THADA: variants seen among roughly 807,000 people sequenced by gnomAD.
The protein encoded by THADA is tRNA (32-2'-O)-methyltransferase regulator THADA.
Under a neutral mutation model 219.8 loss-of-function variants are expected in THADA, and 213 were observed. That is an observed-to-expected ratio of 0.97 (90% CI 0.87 to 1.09). The LOEUF (loss-of-function observed/expected upper bound fraction) is 1.09. THADA is among the 50% of genes least tolerant of loss of function. The pLI, the probability that THADA is intolerant of heterozygous loss-of-function variation, is 0.00. For missense variants in THADA, 2,956 were observed against 2,311.3 expected (o/e 1.28, Z -5.72); for synonymous variants, 1,018 against 828.9 (o/e 1.23, Z -3.92).
intron 29 of THADA, among the ~76,000 whole-genome samples, chr2:43,366,171 C>T (rs543093241): frequency 6.6e-6 from 1 of 152,304 alleles, no homozygotes; most frequent in South Asian, 2.1e-4. Context: ...TAGTTTCTCT[C>T]TCTTTTATTT....
chr2:43,548,948 C>T (rs971546087), intron 20 of THADA, among the ~76,000 whole-genome samples: 3 of 152,204 alleles, frequency 2.0e-5, no homozygotes, highest in Non-Finnish European at 4.4e-5. Flanking sequence ...CAGAAATCAC[C>T]CGTCTTCTGC....
intron 34 of THADA, among the ~76,000 whole-genome samples, chr2:43,287,770 G>T (rs939955365): frequency 6.6e-6 from 1 of 152,176 alleles, no homozygotes; most frequent in South Asian, 2.1e-4. Flanking sequence ...TGGGCCCATG[G>T]GCACCCAGCT....
At position 43,510,893 on chromosome 2, in the gene THADA, C is replaced by T. The variant is rs1020046428; in HGVS notation, c.3375-2113G>A. ...GGCTGAAGCAGGAGAATCGCTTGAA[C>T]TCAGGAAGCAGAGACTGCAGCGAGC... is the stretch of plus-strand genomic sequence containing the variant. On this transcript the variant is annotated intron_variant, in intron 22 of 37. Transcript: ENST00000405975. Among the ~76,000 whole-genome samples, 5 of 151,790 alleles carry T rather than the reference C, an allele frequency of 3.3e-5. 1 individual carries two copies. In the South Asian group the frequency reaches 1.0e-3, roughly 32 times the overall value.
At chr2:43,421,527 C>A (rs1295561097) in intron 28 of THADA, among the ~76,000 whole-genome samples, 2 of 152,148 alleles carry the variant, frequency 1.3e-5, no homozygotes, top group African/African-American at 2.4e-5. Flanking sequence ...TCTCTCCAGG[C>A]AACTCTGTTC....
chr2:43,428,698 C>T (rs1161717688), intron 27 of THADA, among the ~76,000 whole-genome samples: 2 of 151,868 alleles, frequency 1.3e-5, no homozygotes, highest in Non-Finnish European at 2.9e-5. Context: ...TCTTATCTCC[C>T]AAATGTGCAT....
intron 29 of THADA, among the ~76,000 whole-genome samples, chr2:43,376,614 G>A (rs1446860145): frequency 6.6e-6 from 1 of 152,132 alleles, no homozygotes; most frequent in East Asian, 1.9e-4. Context: ...CTAGGTTTCT[G>A]AGCCCCAAAT....
intron 30 of THADA, among the ~76,000 whole-genome samples, chr2:43,338,803 T>C (rs1666764682): frequency 6.6e-6 from 1 of 152,226 alleles, no homozygotes; most frequent in Admixed American, 6.5e-5. Flanking sequence ...TTAGCTATTG[T>C]GCATAATGCT....
chr2:43,560,185 A>G (rs758243622), intron 16 of THADA, 49 bp downstream of exon 16: 1 of 1,516,572 alleles, frequency 6.6e-7, no homozygotes, highest in East Asian at 2.3e-5. Context: ...ATCTGCTGAT[A>G]GAAAGTTTCC....
chr2:43,269,124 G>C (rs897343470), intron 36 of THADA, among the ~76,000 whole-genome samples: 2 of 152,192 alleles, frequency 1.3e-5, no homozygotes, highest in South Asian at 2.1e-4. Context: ...CCGAGGCCAC[G>C]AGCTGGAGAA....
chr2:43,582,761 GT>G (rs1700596959), intron 7 of THADA, among the ~76,000 whole-genome samples: 1 of 151,638 alleles, frequency 6.6e-6, no homozygotes, highest in Non-Finnish European at 1.5e-5. Context: ...AGAGACAGGG[GT>G]TTCACCATGT....
Position 43,237,016 on chromosome 2 carries a change from G to A in THADA, c.5297-4134C>T, listed in dbSNP as rs1222781169. On this transcript the variant is annotated intron_variant, in intron 36 of 37. Transcript: ENST00000405975. ...GAACCCGGGAGGCGGAGCTTGCAGT[G>A]AGCCGAGATCGCGCCACTGCACACC... Among the ~76,000 whole-genome samples the A allele has an allele frequency of 2.0e-5, 3 of 147,500 alleles. No homozygotes were observed. The East Asian group carries it at 6.0e-4, about 30-fold the overall frequency.
chr2:43,431,374 C>A (rs1679258493), intron 26 of THADA, among the ~76,000 whole-genome samples: 1 of 152,182 alleles, frequency 6.6e-6, no homozygotes, highest in South Asian at 2.1e-4. Flanking sequence ...CCAGCAAACT[C>A]CCGCCCCACA....
chr2:43,537,156 T>G (rs1694713726), intron 21 of THADA, among the ~76,000 whole-genome samples: 1 of 152,222 alleles, frequency 6.6e-6, no homozygotes, highest in Non-Finnish European at 1.5e-5. Context: ...TCAAACACTG[T>G]TCTCCTACAA....
intron 26 of THADA, among the ~76,000 whole-genome samples, chr2:43,469,431 C>G (rs982859494): frequency 6.6e-6 from 1 of 152,006 alleles, no homozygotes; most frequent in African/African-American, 2.4e-5. Flanking sequence ...TGTGGACAAA[C>G]CTGAAATCTC....
chr2:43,537,062 C>G (rs780393771), intron 21 of THADA, among the ~76,000 whole-genome samples: 3 of 152,196 alleles, frequency 2.0e-5, no homozygotes, highest in Non-Finnish European at 4.4e-5. Context: ...CAAAAGTTTA[C>G]ACTCCAGTAA....
chr2:43,259,791 T>C, intron 36 of THADA, among the ~76,000 whole-genome samples: 1 of 152,260 alleles, frequency 6.6e-6, no homozygotes, highest in East Asian at 1.9e-4. Context: ...AGGAATACCT[T>C]ATACATATAT....
chr2:43,480,748 G>A (rs1229665847), intron 26 of THADA, among the ~76,000 whole-genome samples: 2 of 151,598 alleles, frequency 1.3e-5, no homozygotes, highest in Non-Finnish European at 2.9e-5. Flanking sequence ...AACCCGGGAG[G>A]CAGAGGTTGC....
At chr2:43,382,875 C>T (rs979043250) in intron 29 of THADA, among the ~76,000 whole-genome samples, 1 of 152,088 alleles carries the variant, frequency 6.6e-6, no homozygotes, top group Non-Finnish European at 1.5e-5. Context: ...TACAAACTAC[C>T]ACATTACTAT....
Position 43,574,651 on chromosome 2 carries a change from C to T in THADA, c.1414G>A (p.Ala472Thr), listed in dbSNP as rs993583336. The T allele has an allele frequency of 5.6e-6, 9 of 1,613,946 alleles. No homozygotes were observed. Among genetic ancestry groups the T allele is most frequent in the Non-Finnish European group, 7.6e-6 (9 of 1,179,888 alleles). Residue 472 changes from alanine (A) to threonine (T), a missense_variant, in exon 11 of 38, where the codon GCT becomes ACT. Transcript: ENST00000405975. ...TGAGATGGAATAGTTTTATCTATAG[C>T]CAAAATATGTTCAACTCCTATGCAC... is the stretch of plus-strand genomic sequence containing the variant. ...VECIGVEHIL[A>T]IDKTIPSQIL...
Sources: allele counts gnomAD v4.1 joint callset (sites outside exome capture counted in the v4.1 genomes callset), GRCh38; gene constraint gnomAD v4.1.1; transcripts MANE v1.5; gene names NCBI Gene and HGNC (gene_info 2026-07-23, HGNC 2026-07-21).